The following TRPS1 variants were observed in gnomAD, a reference collection of about 807,000 sequenced individuals.
The protein encoded by TRPS1 is zinc finger transcription factor Trps1.
A neutral mutation model predicts 101.2 loss-of-function variants in TRPS1; 6 were observed. The ratio of observed to expected loss-of-function variants is 0.06; its 90% CI spans 0.03 to 0.12. The LOEUF is 0.12. Ranked by LOEUF, TRPS1 falls within the 10% of genes least tolerant of loss-of-function variation. TRPS1 has a pLI of 1.00. For missense variants in TRPS1, 1,363 were observed against 1,567.0 expected, an observed-to-expected ratio of 0.87 and a Z score of 2.20; for synonymous variants, 578 against 589.8, an observed-to-expected ratio of 0.98 and a Z score of 0.29.
intron 5 of TRPS1, among the ~76,000 whole-genome samples, chr8:115,498,293 G>C (rs966459811): frequency 6.6e-6 from 1 of 150,900 alleles, no homozygotes; most frequent in East Asian, 2.0e-4. Context: ...TGGGAGCATC[G>C]CCTGAGCCTC....
At chr8:115,431,376 G>C (rs941538941) in intron 5 of TRPS1, among the ~76,000 whole-genome samples, 1 of 152,006 alleles carries the variant, frequency 6.6e-6, no homozygotes, top group African/African-American at 2.4e-5. Flanking sequence ...ATGAGAAAAT[G>C]TATTAATGGT....
intron 5 of TRPS1, among the ~76,000 whole-genome samples, chr8:115,476,818 T>C (rs938695100): frequency 7.2e-5 from 11 of 152,190 alleles, no homozygotes; most frequent in African/African-American, 2.2e-4. Flanking sequence ...CCACAACTGA[T>C]ACAACCATGC....
intron 1 of TRPS1, among the ~76,000 whole-genome samples, chr8:115,646,983 A>T (rs1208973725): frequency 2.0e-5 from 3 of 151,200 alleles, no homozygotes; most frequent in Non-Finnish European, 3.0e-5. Flanking sequence ...AAAAAGAAGG[A>T]TCTAAACTTC....
chr8:115,545,819 T>C (rs565834523), intron 5 of TRPS1, among the ~76,000 whole-genome samples: 1 of 152,276 alleles, frequency 6.6e-6, no homozygotes. Context: ...ATGGCTTCAT[T>C]GTTTTATTTC....
chr8:115,586,969 A>T, intron 5 of TRPS1, 32 bp downstream of exon 5: 1 of 1,613,358 alleles, frequency 6.2e-7, no homozygotes, highest in Non-Finnish European at 8.5e-7. Context: ...CCTTCAAAAC[A>T]AATGAATTAT....
intron 1 of TRPS1, among the ~76,000 whole-genome samples, chr8:115,627,686 T>A (rs1818541206): frequency 6.6e-6 from 1 of 151,814 alleles, no homozygotes; most frequent in Admixed American, 6.6e-5. Context: ...ATAGTAAAGG[T>A]AGTTTAATAT....
intron 5 of TRPS1, among the ~76,000 whole-genome samples, chr8:115,515,559 T>A (rs1413658154): frequency 7.2e-6 from 1 of 138,572 alleles, no homozygotes; most frequent in African/African-American, 2.9e-5. Context: ...AATAAATGAC[T>A]AAGTATTTCA....
chr8:115,609,059 C>T (rs1239210742), intron 3 of TRPS1, among the ~76,000 whole-genome samples: 1 of 152,052 alleles, frequency 6.6e-6, no homozygotes, highest in Non-Finnish European at 1.5e-5. Flanking sequence ...GTTGCCCAGA[C>T]TGGTCTTGAA....
At chr8:115,497,363 C>T (rs534925666) in intron 5 of TRPS1, among the ~76,000 whole-genome samples, 2 of 152,268 alleles carry the variant, frequency 1.3e-5, no homozygotes, top group Admixed American at 6.5e-5. Flanking sequence ...TGATAGGAGG[C>T]GGAGCTCGGG....
intron 5 of TRPS1, among the ~76,000 whole-genome samples, chr8:115,554,618 G>A (rs1404279514): frequency 3.9e-5 from 6 of 152,146 alleles, no homozygotes; most frequent in South Asian, 2.1e-4. Context: ...GGATTGCACC[G>A]CAGTTTTCGA....
chr8:115,645,754 A>G (rs1819011120), intron 1 of TRPS1, among the ~76,000 whole-genome samples: 1 of 152,200 alleles, frequency 6.6e-6, no homozygotes, highest in South Asian at 2.1e-4. Flanking sequence ...CCCAAAGAAC[A>G]AGGCAAAGAT....
chr8:115,575,163 T>C (rs1382371933), intron 5 of TRPS1, among the ~76,000 whole-genome samples: 1 of 152,024 alleles, frequency 6.6e-6, no homozygotes, highest in Non-Finnish European at 1.5e-5. Context: ...ATAAACATAC[T>C]AAAAGTGGCA....
intron 5 of TRPS1, among the ~76,000 whole-genome samples, chr8:115,446,092 CATG>C (rs1389663679): frequency 6.6e-6 from 1 of 151,930 alleles, no homozygotes; most frequent in East Asian, 1.9e-4. Flanking sequence ...ATTTAGATTT[CATG>C]ATAAGGCAGG....
intron 3 of TRPS1, among the ~76,000 whole-genome samples, chr8:115,606,698 A>C (rs1563639848): frequency 6.6e-6 from 1 of 152,076 alleles, no homozygotes; most frequent in African/African-American, 2.4e-5. Flanking sequence ...AAAGCAACTA[A>C]AACTTGCACT....
chr8:115,425,694 C>T (rs998538865), intron 5 of TRPS1, among the ~76,000 whole-genome samples: 1 of 152,152 alleles, frequency 6.6e-6, no homozygotes, highest in African/African-American at 2.4e-5. Context: ...CCATGTATAT[C>T]CCACTCTTTA....
At chr8:115,622,100 C>A (rs529126360) in intron 2 of TRPS1, among the ~76,000 whole-genome samples, 1 of 152,198 alleles carries the variant, frequency 6.6e-6, no homozygotes, top group Admixed American at 6.5e-5. Flanking sequence ...GTAAACCTGA[C>A]TGACTTCTGG....
intron 5 of TRPS1, among the ~76,000 whole-genome samples, chr8:115,524,052 C>T (rs1815933297): frequency 6.6e-6 from 1 of 152,068 alleles, no homozygotes; most frequent in African/African-American, 2.4e-5. Flanking sequence ...TTTGGTCAAG[C>T]TTCTTAAAAA....
chr8:115,642,842 G>GAAAA (rs55943562), intron 1 of TRPS1, among the ~76,000 whole-genome samples: 453 of 143,196 alleles, frequency 3.2e-3, no homozygotes, highest in African/African-American at 7.6e-3. Flanking sequence ...CTTACTTCGT[G>GAAAA]AAAAAAAATA....
At chr8:115,625,908 T>C (rs142702344) in intron 1 of TRPS1, among the ~76,000 whole-genome samples, 36 of 151,962 alleles carry the variant, frequency 2.4e-4, no homozygotes, top group Non-Finnish European at 4.6e-4. Context: ...CAGATGACAT[T>C]TTCTTTTTGT....
Sources: allele counts gnomAD v4.1 joint callset (sites outside exome capture counted in the v4.1 genomes callset), GRCh38; gene constraint gnomAD v4.1.1; transcripts MANE v1.5; gene names NCBI Gene and HGNC (gene_info 2026-07-23, HGNC 2026-07-21).